The following MEIKIN variants were observed in gnomAD, a reference collection of about 807,000 sequenced individuals.
The protein encoded by MEIKIN is meiosis-specific kinetochore protein.
At chr5:131,857,662 G>A (rs771551220) in intron 9 of MEIKIN, among the ~76,000 whole-genome samples, 1 of 152,146 alleles carries the variant, frequency 6.6e-6, no homozygotes, top group Non-Finnish European at 1.5e-5. Context: ...CAGCCACCAT[G>A]GATGCGCACC....
At chr5:131,831,529 C>T (rs1004975275) in intron 11 of MEIKIN, among the ~76,000 whole-genome samples, 6 of 152,090 alleles carry the variant, frequency 3.9e-5, no homozygotes, top group Non-Finnish European at 7.4e-5. Context: ...GTATTACAGC[C>T]GGGGTGACAG....
intron 11 of MEIKIN, among the ~76,000 whole-genome samples, chr5:131,835,196 G>GTATATATCTA: frequency 6.7e-6 from 1 of 150,266 alleles, no homozygotes; most frequent in African/African-American, 2.5e-5. Flanking sequence ...ATATGTGTGT[G>GTATATATCTA]TGTATATATA....
At chr5:131,826,601 C>T (rs1749612436) in intron 11 of MEIKIN, among the ~76,000 whole-genome samples, 1 of 152,134 alleles carries the variant, frequency 6.6e-6, no homozygotes, top group Middle Eastern at 3.2e-3. Context: ...TGAATTATAA[C>T]CTAAATTATA....
At chr5:131,906,465 C>T (rs565144500) in intron 8 of MEIKIN, among the ~76,000 whole-genome samples, 39 of 152,220 alleles carry the variant, frequency 2.6e-4, no homozygotes, top group African/African-American at 9.1e-4. Flanking sequence ...GGTAATTCCT[C>T]GAACAGCTAA....
intron 4 of MEIKIN, among the ~76,000 whole-genome samples, chr5:131,942,086 A>C (rs192494539): frequency 6.6e-6 from 1 of 152,222 alleles, no homozygotes; most frequent in Non-Finnish European, 1.5e-5. Flanking sequence ...ATTCTCTATT[A>C]AAATGACTTC....
At chr5:131,845,043 G>T (rs1749987958) in intron 11 of MEIKIN, among the ~76,000 whole-genome samples, 2 of 152,148 alleles carry the variant, frequency 1.3e-5, no homozygotes, top group South Asian at 2.1e-4. Context: ...GGCCGAGGCG[G>T]GTGGATCATG....
intron 7 of MEIKIN, among the ~76,000 whole-genome samples, chr5:131,913,297 C>A (rs1398789497): frequency 6.6e-6 from 1 of 152,216 alleles, no homozygotes; most frequent in Non-Finnish European, 1.5e-5. Context: ...TAGCCCCCTT[C>A]TATGGAATCC....
chr5:131,930,992 G>A (rs527477794), intron 5 of MEIKIN, among the ~76,000 whole-genome samples: 1 of 152,190 alleles, frequency 6.6e-6, no homozygotes, highest in Non-Finnish European at 1.5e-5. Context: ...GATTTATCTT[G>A]TTCCTTTGTT....
chr5:131,848,098 C>A (rs1750048790), intron 11 of MEIKIN, among the ~76,000 whole-genome samples: 1 of 151,988 alleles, frequency 6.6e-6, no homozygotes, highest in Non-Finnish European at 1.5e-5. Flanking sequence ...AATCAACAAC[C>A]TAACTTTACA....
chr5:131,941,643 C>G (rs1441952618), intron 4 of MEIKIN, among the ~76,000 whole-genome samples: 1 of 151,814 alleles, frequency 6.6e-6, no homozygotes, highest in Non-Finnish European at 1.5e-5. Context: ...TTCAAAATAA[C>G]TTTGATTATA....
At chr5:131,919,918 G>A (rs1170246474) in intron 6 of MEIKIN, among the ~76,000 whole-genome samples, 2 of 152,072 alleles carry the variant, frequency 1.3e-5, no homozygotes, top group Admixed American at 1.3e-4. Context: ...AAACCAAACA[G>A]GAAAGGTGAA....
At chr5:131,869,862 T>A (rs1183126411) in intron 9 of MEIKIN, among the ~76,000 whole-genome samples, 1 of 152,234 alleles carries the variant, frequency 6.6e-6, no homozygotes, top group Non-Finnish European at 1.5e-5. Context: ...TTTGGTAAGT[T>A]GTGATTCTCT....
chr5:131,901,315 A>C (rs1751153407), intron 8 of MEIKIN, among the ~76,000 whole-genome samples: 1 of 152,112 alleles, frequency 6.6e-6, no homozygotes, highest in Non-Finnish European at 1.5e-5. Context: ...ATACCTGTAC[A>C]GATGGCACAC....
intron 11 of MEIKIN, among the ~76,000 whole-genome samples, chr5:131,846,060 T>C (rs1238219747): frequency 6.6e-6 from 1 of 152,188 alleles, no homozygotes; most frequent in Non-Finnish European, 1.5e-5. Flanking sequence ...GGGATCTTTA[T>C]AAGATAATCA....
intron 9 of MEIKIN, among the ~76,000 whole-genome samples, chr5:131,861,644 G>C (rs1478867218): frequency 6.6e-6 from 1 of 152,132 alleles, no homozygotes; most frequent in Non-Finnish European, 1.5e-5. Flanking sequence ...CTAGTTTGCT[G>C]AGAGTTTTTG....
chr5:131,890,982 GT>G (rs773054501), intron 8 of MEIKIN, among the ~76,000 whole-genome samples: 15 of 152,184 alleles, frequency 9.9e-5, no homozygotes, highest in Non-Finnish European at 2.1e-4. Context: ...GTACCCAGTA[GT>G]CATTCAGGAG....
chr5:131,822,578 T>C (rs528613990), intron 11 of MEIKIN, among the ~76,000 whole-genome samples: 1 of 152,340 alleles, frequency 6.6e-6, no homozygotes, highest in East Asian at 1.9e-4. Flanking sequence ...TAAAACTCTA[T>C]AACTTTGTCC....
chr5:131,934,658 G>A (rs2149653120), intron 4 of MEIKIN, among the ~76,000 whole-genome samples: 1 of 152,266 alleles, frequency 6.6e-6, no homozygotes, highest in South Asian at 2.1e-4. Context: ...ACCGAGTTAT[G>A]CAAAGAATTT....
chr5:131,881,407 G>T (rs985439067), intron 8 of MEIKIN, among the ~76,000 whole-genome samples: 1 of 151,816 alleles, frequency 6.6e-6, no homozygotes, highest in Non-Finnish European at 1.5e-5. Flanking sequence ...TTTTTTTGCC[G>T]GATATTTCTC....
Sources: allele counts gnomAD v4.1 joint callset (sites outside exome capture counted in the v4.1 genomes callset), GRCh38; gene constraint gnomAD v4.1.1; transcripts MANE v1.5; gene names NCBI Gene and HGNC (gene_info 2026-07-23, HGNC 2026-07-21).